The following ARSJ variants were observed in gnomAD, a reference collection of about 807,000 sequenced individuals.
The protein encoded by ARSJ is arylsulfatase family member J, also known as arylsulfatase J.
ARSJ carries 26 observed loss-of-function variants against 35.9 expected under a neutral mutation model. That is an observed-to-expected ratio of 0.72 (90% CI 0.53 to 1.00). ARSJ has a LOEUF of 1.00. Among genes scored for constraint, ARSJ ranks in the 50% least tolerant of loss-of-function variants. ARSJ has a pLI of 0.00. For synonymous variants in ARSJ, 294 were observed against 267.6 expected, an observed-to-expected ratio of 1.10 and a Z score of -0.96; for missense variants, 667 against 723.6, an observed-to-expected ratio of 0.92 and a Z score of 0.90.
intron 1 of ARSJ, among the ~76,000 whole-genome samples, chr4:113,904,515 C>A (rs1244540964): frequency 1.3e-5 from 2 of 152,082 alleles, no homozygotes; most frequent in Admixed American, 6.5e-5. Flanking sequence ...GACGGAGTCT[C>A]GCTCTGTCGC....
At chr4:113,963,165 A>G (rs760132083) in intron 1 of ARSJ, among the ~76,000 whole-genome samples, 9 of 152,002 alleles carry the variant, frequency 5.9e-5, no homozygotes, top group Non-Finnish European at 1.5e-5. Context: ...AGCATACTAT[A>G]TAGTTTTCTT....
At chr4:113,928,519 T>C (rs1193208586) in intron 1 of ARSJ, among the ~76,000 whole-genome samples, 1 of 152,192 alleles carries the variant, frequency 6.6e-6, no homozygotes, top group African/African-American at 2.4e-5. Flanking sequence ...TCAATTTCAC[T>C]TCTAGGAACA....
At chr4:113,911,202 A>G (rs940431665) in intron 1 of ARSJ, among the ~76,000 whole-genome samples, 6 of 152,158 alleles carry the variant, frequency 3.9e-5, no homozygotes, top group Non-Finnish European at 1.5e-5. Flanking sequence ...TAGATCAACA[A>G]TTTAGAATAT....
intron 1 of ARSJ, among the ~76,000 whole-genome samples, chr4:113,915,661 T>C (rs1039819158): frequency 1.1e-4 from 17 of 152,018 alleles, no homozygotes; most frequent in African/African-American, 3.6e-4. Flanking sequence ...ACCCTGAAGA[T>C]CTCTAATAAA....
intron 1 of ARSJ, among the ~76,000 whole-genome samples, chr4:113,946,971 A>G (rs1725529236): frequency 6.6e-6 from 1 of 152,140 alleles, no homozygotes; most frequent in South Asian, 2.1e-4. Context: ...ACCTTCATAC[A>G]TTAGAGGAGA....
intron 1 of ARSJ, among the ~76,000 whole-genome samples, chr4:113,974,027 G>T (rs1727440905): frequency 6.6e-6 from 1 of 152,174 alleles, no homozygotes; most frequent in South Asian, 2.1e-4. Flanking sequence ...AGGTGATGCT[G>T]CAGTGCAATG....
rs267599990 is a variant in ARSJ, at chr4:113,902,917, G to A, written c.1157C>T (p.Ser386Leu). The change falls in exon 2 of 2, where the codon TCA becomes TTA. Residue 386 changes from serine (S) to leucine (L), a missense_variant. Physicochemically the swap from Ser to Leu is moderately radical, Grantham distance 145. Coordinates refer to ENST00000315366, the MANE Select transcript of ARSJ (RefSeq NM_024590.4). ...CTCATCAATCTGTCCTTCAGCCAGT[G>A]AAATGAGAGTGGGGTACCAGTCAGT... ...HITDWYPTLI[S>L]LAEGQIDEDI... 1 of 1,614,196 alleles carries A rather than the reference G, an allele frequency of 6.2e-7. No homozygotes were observed. The highest frequency in any genetic ancestry group is 8.5e-7 in the Non-Finnish European group (1 of 1,180,024).
intron 1 of ARSJ, among the ~76,000 whole-genome samples, chr4:113,931,547 C>A (rs1458169126): frequency 2.6e-5 from 4 of 152,048 alleles, no homozygotes; most frequent in Non-Finnish European, 5.9e-5. Context: ...ATTTCTATAA[C>A]AATAAATGTC....
rs748570626 is a variant in ARSJ at position 113,903,415 on chromosome 4, T to C, written c.659A>G (p.Tyr220Cys). Residue 220 changes from tyrosine (Y) to cysteine (C), a missense_variant, in exon 2 of 2, where the codon TAT becomes TGT. Physicochemically the swap from Tyr to Cys is radical, Grantham distance 194. Coordinates refer to ENST00000315366, the MANE Select transcript of ARSJ (RefSeq NM_024590.4). The stretch of plus-strand genomic sequence containing the variant: ...AGCATTGTCGTTTTCATACAAGTCA[T>C]AGCCACACATCCCAGGACTGTCACA... ...YKCDSPGMCGYDLYENDNAAW... is the reference protein window; with the variant it reads ...YKCDSPGMCGCDLYENDNAAW... The C allele has an allele frequency of 1.9e-6, 3 of 1,614,162 alleles. No homozygotes were observed. The highest frequency in any genetic ancestry group is 3.3e-5 in the Admixed American group (2 of 60,024).
At chr4:113,971,595 T>G (rs1480882652) in intron 1 of ARSJ, among the ~76,000 whole-genome samples, 1 of 152,224 alleles carries the variant, frequency 6.6e-6, no homozygotes, top group African/African-American at 2.4e-5. Context: ...AATGGATGTG[T>G]GAGGTGTCAA....
intron 1 of ARSJ, among the ~76,000 whole-genome samples, chr4:113,977,029 T>A (rs1463961923): frequency 6.6e-6 from 1 of 152,238 alleles, no homozygotes; most frequent in Non-Finnish European, 1.5e-5. Context: ...CAACCACAGT[T>A]GGCTATCTGT....
At chr4:113,911,563 A>G (rs1357599690) in intron 1 of ARSJ, among the ~76,000 whole-genome samples, 4 of 152,126 alleles carry the variant, frequency 2.6e-5, no homozygotes, top group African/African-American at 9.7e-5. Flanking sequence ...GAGACATTTG[A>G]TAGGGTTACA....
At chr4:113,939,408 T>C (rs1468045510) in intron 1 of ARSJ, among the ~76,000 whole-genome samples, 1 of 151,878 alleles carries the variant, frequency 6.6e-6, no homozygotes, top group Non-Finnish European at 1.5e-5. Flanking sequence ...TGATTTATAG[T>C]CCTTTGGGTA....
intron 1 of ARSJ, among the ~76,000 whole-genome samples, chr4:113,926,386 C>A (rs912589671): frequency 1.3e-5 from 2 of 152,194 alleles, no homozygotes; most frequent in Non-Finnish European, 2.9e-5. Context: ...TTCCCTTCAC[C>A]TCTTTCCTTC....
intron 1 of ARSJ, among the ~76,000 whole-genome samples, chr4:113,940,574 T>C (rs192682008): frequency 1.9e-3 from 286 of 151,294 alleles, no homozygotes; most frequent in African/African-American, 6.6e-3. Flanking sequence ...GTTTGACAGG[T>C]GCAGCAAACC....
intron 1 of ARSJ, among the ~76,000 whole-genome samples, chr4:113,962,798 T>C (rs1036893641): frequency 3.3e-5 from 5 of 152,066 alleles, no homozygotes; most frequent in Non-Finnish European, 7.4e-5. Flanking sequence ...AGCTTCCCAG[T>C]GGATCCCATT....
rs763073451 is a variant in ARSJ at position 113,902,639 on chromosome 4, G to A, written c.1435C>T (p.Arg479Trp). The stretch of plus-strand genomic sequence containing the variant: ...AAGGTGATCCGTTCATTGTGCCACC[G>A]GTTCGGTCCCAGGTTGCTGAAAGAC... The part of the protein sequence containing the change: ...PQSFSNLGPN[R>W]WHNERITLST... The change falls in exon 2 of 2, where the codon CGG (arginine) becomes TGG (tryptophan). Residue 479 changes from arginine (R) to tryptophan (W), a missense_variant. By Grantham distance (101) the Arg-to-Trp change is moderately radical (BLOSUM62 -3). Transcript: ENST00000315366. 6 of 1,614,152 alleles carry A rather than the reference G, an allele frequency of 3.7e-6. No individual in the cohort carries two copies. The East Asian group carries it at 8.9e-5, about 24-fold the overall frequency.
chr4:113,930,724 A>G (rs1329080131), intron 1 of ARSJ, among the ~76,000 whole-genome samples: 1 of 151,312 alleles, frequency 6.6e-6, no homozygotes, highest in African/African-American at 2.4e-5. Context: ...ACACATGCAC[A>G]CGTATGTTTA....
At chr4:113,942,606 T>A (rs7658304) in intron 1 of ARSJ, among the ~76,000 whole-genome samples, 55,032 of 151,832 alleles carry the variant, frequency 0.36, 10,785 homozygotes, top group African/African-American at 0.51. Flanking sequence ...CACAAGGTAG[T>A]ATACAATCAA....
Sources: gnomAD v4.1 joint callset for allele counts (sites outside exome capture counted in the v4.1 genomes callset) on GRCh38, gnomAD v4.1.1 for gene constraint, MANE v1.5 for transcripts, NCBI Gene and HGNC (gene_info 2026-07-23, HGNC 2026-07-21) for gene names.